The following ACTR3C variants were observed in gnomAD, a reference collection of about 807,000 sequenced individuals.
The protein encoded by ACTR3C is actin related protein 3C, also known as actin-related protein 3C.
ACTR3C carries 18 observed loss-of-function variants against 26.3 expected under a neutral mutation model. The observed-to-expected ratio is 0.68, with a 90% CI of 0.47 to 1.01. ACTR3C has a LOEUF of 1.01. Ranked by LOEUF, ACTR3C falls within the 50% of genes least tolerant of loss-of-function variation. ACTR3C has a pLI of 0.00. For synonymous variants in ACTR3C, 55 were observed against 94.5 expected (o/e 0.58, Z 2.42); for missense variants, 184 against 250.7 (o/e 0.73, Z 1.80).
At chr7:150,044,087 C>A in the ACTR3C span, among the ~76,000 whole-genome samples, 2 of 152,078 alleles carry the variant, frequency 1.3e-5, no homozygotes, top group African/African-American at 4.8e-5. Context: ...TGCAAAGAAG[C>A]CACATGTCAC....
At chr7:150,141,955 G>A in the ACTR3C span, among the ~76,000 whole-genome samples, 1 of 152,220 alleles carries the variant, frequency 6.6e-6, no homozygotes, top group East Asian at 1.9e-4. Flanking sequence ...GGGCTTTCAG[G>A]GACTGGAGCC....
chr7:150,307,750 C>A, intron 1 of ACTR3C, among the ~76,000 whole-genome samples: 1 of 152,186 alleles, frequency 6.6e-6, no homozygotes, highest in African/African-American at 2.4e-5. Flanking sequence ...AGAGATCAAT[C>A]GCCTGTCCTC....
At chr7:150,044,608 T>G in the ACTR3C span, 2 of 152,238 alleles carry the variant, frequency 1.3e-5, no homozygotes, top group Non-Finnish European at 2.9e-5. Flanking sequence ...TCTCCGCATT[T>G]TATTTCTCTG....
chr7:150,198,568 C>T, the ACTR3C span, among the ~76,000 whole-genome samples: 1,864 of 148,192 alleles, frequency 0.013, 72 homozygotes, highest in East Asian at 0.095. Context: ...CGTCTCTGCC[C>T]GGCCGCCCCG....
the ACTR3C span, among the ~76,000 whole-genome samples, chr7:150,150,580 T>C: frequency 1.5e-5 from 2 of 135,062 alleles, 1 homozygote. Flanking sequence ...TGTTTGTTAA[T>C]GTGATCCTGT....
the ACTR3C span, among the ~76,000 whole-genome samples, chr7:150,198,968 C>T: frequency 7.1e-4 from 95 of 134,208 alleles, 3 homozygotes; most frequent in African/African-American, 2.4e-3. Context: ...CCGCCCCGTC[C>T]GGGAGGGAGG....
the ACTR3C span, among the ~76,000 whole-genome samples, chr7:150,136,634 C>T: frequency 6.6e-6 from 1 of 151,772 alleles, no homozygotes; most frequent in South Asian, 2.1e-4. Flanking sequence ...CGCACCACTG[C>T]AATCCAGGTT....
the ACTR3C span, among the ~76,000 whole-genome samples, chr7:149,930,397 C>G: frequency 2.0e-5 from 3 of 152,188 alleles, no homozygotes; most frequent in African/African-American, 7.2e-5. Flanking sequence ...TATGGACATA[C>G]AGAGAGTGAC....
chr7:149,905,897 A>G, the ACTR3C span, among the ~76,000 whole-genome samples: 18 of 152,038 alleles, frequency 1.2e-4, no homozygotes, highest in Non-Finnish European at 2.5e-4. Context: ...GGTGTTGCCT[A>G]AGGATGAAGG....
chr7:150,316,480 GTTAT>G (rs751432042), intron 1 of ACTR3C, among the ~76,000 whole-genome samples: 20,816 of 128,830 alleles, frequency 0.16, 2,205 homozygotes, highest in East Asian at 0.25. Context: ...TTAGAATCTG[GTTAT>G]TTTTTTTTTT....
the ACTR3C span, among the ~76,000 whole-genome samples, chr7:150,138,446 G>A: frequency 3.7e-4 from 57 of 152,194 alleles, no homozygotes; most frequent in African/African-American, 1.2e-3. Flanking sequence ...AAGAAACACC[G>A]TTTCACAGGA....
chr7:150,068,460 T>C, the ACTR3C span, among the ~76,000 whole-genome samples: 1 of 152,054 alleles, frequency 6.6e-6, no homozygotes, highest in African/African-American at 2.4e-5. Flanking sequence ...AAATCAGATA[T>C]CCAATTTTGA....
rs1238180916 is a variant in ACTR3C at position 150,284,664 on chromosome 7, C to T, written c.564+89G>A. On this transcript the variant is annotated intron_variant, in intron 6 of 7. Transcript: ENST00000683684. ...ACAGAAGGTGAAACAGGGATATTTACTAGTAATAGACAGTAATACCGTCTT... is the reference window on the plus strand; with the variant it reads ...ACAGAAGGTGAAACAGGGATATTTATTAGTAATAGACAGTAATACCGTCTT... 6.5e-6 allele frequency: 7 copies of T among 1,083,426 alleles called. 1 individual carries two copies. The Admixed American group carries it at 1.4e-4, about 22-fold the overall frequency. 67.1% of individuals were successfully genotyped at this position (1,083,426 alleles called of 1,614,324 possible).
At chr7:149,961,745 C>T in the ACTR3C span, among the ~76,000 whole-genome samples, 1 of 151,982 alleles carries the variant, frequency 6.6e-6, no homozygotes, top group East Asian at 1.9e-4. Context: ...GAAGTGTACA[C>T]TCACAATGTG....
At chr7:150,149,852 C>T in the ACTR3C span, among the ~76,000 whole-genome samples, 1 of 152,162 alleles carries the variant, frequency 6.6e-6, no homozygotes, top group Admixed American at 6.5e-5. Flanking sequence ...TTGCAAAAAG[C>T]TTTAGGTTTG....
At chr7:150,161,262 C>T in the ACTR3C span, among the ~76,000 whole-genome samples, 4 of 129,626 alleles carry the variant, frequency 3.1e-5, no homozygotes, top group East Asian at 2.3e-4. Context: ...ATGTGCACAA[C>T]ATGCAGGTTT....
In ACTR3C at chr7:150,248,939, T is replaced by A; in HGVS notation, c.*38+9A>T. The A allele has an allele frequency of 3.7e-6, 2 of 540,012 alleles. No individual in the cohort carries two copies. The highest frequency in any genetic ancestry group is 6.7e-6 in the Non-Finnish European group (2 of 299,772). The allele number at this position is 540,012 out of a possible 1,614,324, so 33.5% of individuals were successfully genotyped here. On this transcript the variant is annotated intron_variant, in intron 7 of 7. Transcript: ENST00000683684. ...AGCCTAGAATTAAAAATGAAAATCA[T>A]GAGAATACCTCAAATAAAAGGCTAC...
At chr7:149,947,227 TTTC>T in the ACTR3C span, among the ~76,000 whole-genome samples, 7 of 148,160 alleles carry the variant, frequency 4.7e-5, no homozygotes, top group Non-Finnish European at 1.0e-4. Flanking sequence ...ATCTTTTCTG[TTTC>T]TTCTTCATCC....
chr7:150,138,012 T>G, the ACTR3C span, among the ~76,000 whole-genome samples: 3 of 152,050 alleles, frequency 2.0e-5, no homozygotes, highest in African/African-American at 7.2e-5. Context: ...ACAAGAACAT[T>G]TGGAGGAGCA....
Sources: allele counts gnomAD v4.1 joint callset (sites outside exome capture counted in the v4.1 genomes callset), GRCh38; gene constraint gnomAD v4.1.1; transcripts MANE v1.5; gene names NCBI Gene and HGNC (gene_info 2026-07-23, HGNC 2026-07-21).